The following NDE1 variants were observed in gnomAD, a reference collection of about 807,000 sequenced individuals.
The protein encoded by NDE1 is nuclear distribution protein nudE homolog 1.
A neutral mutation model predicts 43.4 loss-of-function variants in NDE1; 28 were observed. The ratio of observed to expected loss-of-function variants is 0.65; its 90% CI spans 0.48 to 0.89. NDE1 has a LOEUF of 0.89. Ranked by LOEUF, NDE1 falls within the 40% of genes least tolerant of loss-of-function variation. The probability of loss-of-function intolerance (pLI) is 0.00; values close to 1 mark genes in which losing one functional copy is unlikely to be tolerated. For synonymous variants in NDE1, 184 were observed against 172.0 expected (o/e 1.07, Z -0.55); for missense variants, 441 against 434.1 (o/e 1.02, Z -0.14).
At chr16:15,712,405 G>C (rs202229573) in intron 8 of NDE1, among the ~76,000 whole-genome samples, 1 of 152,204 alleles carries the variant, frequency 6.6e-6, no homozygotes, top group East Asian at 1.9e-4. Flanking sequence ...ATCCCAGCAC[G>C]TGGGGAGGCT....
chr16:15,682,556 A>G (rs754185705), intron 4 of NDE1, among the ~76,000 whole-genome samples: 7 of 152,202 alleles, frequency 4.6e-5, no homozygotes, highest in Non-Finnish European at 1.0e-4. Context: ...GGCACTTTGT[A>G]TAAGAATAAC....
At chr16:15,668,870 G>T (rs1366834407) in intron 3 of NDE1, among the ~76,000 whole-genome samples, 3 of 152,098 alleles carry the variant, frequency 2.0e-5, no homozygotes, top group Non-Finnish European at 2.9e-5. Flanking sequence ...CGTTGGGAGG[G>T]ACTGAGGTTT....
chr16:15,676,116 C>CCTCCCTTCCTCTCTCCTCTGT (rs949210082), intron 3 of NDE1, among the ~76,000 whole-genome samples: 3 of 151,688 alleles, frequency 2.0e-5, no homozygotes, highest in Admixed American at 6.6e-5. Context: ...CTTCCCTCTC[C>CCTCCCTTCCTCTCTCCTCTGT]CTCCCTTCCT....
At chr16:15,693,767 C>G (rs143814564) in intron 6 of NDE1, among the ~76,000 whole-genome samples, 12 of 152,266 alleles carry the variant, frequency 7.9e-5, no homozygotes, top group Non-Finnish European at 1.6e-4. Context: ...TGATGGAACT[C>G]TGTCTCTACT....
chr16:15,663,644 T>C (rs2037160589), intron 1 of NDE1, among the ~76,000 whole-genome samples: 1 of 152,210 alleles, frequency 6.6e-6, no homozygotes, highest in South Asian at 2.1e-4. Context: ...TGGGCACTGA[T>C]AGAAATGTAT....
chr16:15,694,978 C>A, intron 7 of NDE1: 3 of 915,194 alleles, frequency 3.3e-6, no homozygotes, highest in Non-Finnish European at 2.6e-6. Context: ...TGACACCAGC[C>A]CGGGCAACAT....
chr16:15,677,347 G>A (rs1333089188), intron 3 of NDE1, among the ~76,000 whole-genome samples: 3 of 152,068 alleles, frequency 2.0e-5, no homozygotes, highest in Non-Finnish European at 4.4e-5. Context: ...ACTTTGGGAG[G>A]CCGAGGCGTG....
chr16:15,699,086 G>T lies in NDE1; in HGVS notation c.947+2226G>T, dbSNP rs147712359. Reference sequence around the variant, plus strand: ...TATTTTATAGAAACAGTCTTGCTATGTTGCCCAGACTGGTCTCAAACCTCC... The same window carrying T: ...TATTTTATAGAAACAGTCTTGCTATTTTGCCCAGACTGGTCTCAAACCTCC... On this transcript the variant is annotated intron_variant, in intron 8 of 8. Transcript: ENST00000396354. Among the ~76,000 whole-genome samples, 1,111 of 151,714 alleles carry T rather than the reference G, an allele frequency of 7.3e-3. 14 individuals are homozygous for T. The highest frequency in any genetic ancestry group is 0.026 in the African/African-American group (1,083 of 41,404).
At chr16:15,644,128 T>G (rs1567606644) in intron 1 of NDE1, among the ~76,000 whole-genome samples, 1 of 152,202 alleles carries the variant, frequency 6.6e-6, no homozygotes, top group Admixed American at 6.5e-5. Flanking sequence ...ACATATTGTG[T>G]AAGTTAAATC....
At chr16:15,667,632 GTTTT>G (rs1278177492) in intron 3 of NDE1, among the ~76,000 whole-genome samples, 193 bp downstream of exon 3, 2 of 132,834 alleles carry the variant, frequency 1.5e-5, no homozygotes, top group African/African-American at 2.8e-5. Context: ...TTTTTGTTTT[GTTTT>G]TTTTTTTTTT....
intron 3 of NDE1, among the ~76,000 whole-genome samples, chr16:15,669,599 A>G (rs1262243174): frequency 1.3e-5 from 2 of 151,798 alleles, no homozygotes; most frequent in African/African-American, 2.4e-5. Flanking sequence ...TGACAGTGTG[A>G]TCTACCCGCC....
chr16:15,655,943 C>T (rs1567616802), intron 1 of NDE1, among the ~76,000 whole-genome samples: 1 of 133,930 alleles, frequency 7.5e-6, no homozygotes, highest in African/African-American at 2.9e-5. Flanking sequence ...AACACATGGA[C>T]ACAGGAAGGG....
intron 3 of NDE1, among the ~76,000 whole-genome samples, chr16:15,673,547 ATT>A (rs34853720): frequency 7.3e-5 from 10 of 137,524 alleles, no homozygotes; most frequent in Non-Finnish European, 6.4e-5. Context: ...CAGGCTGGTG[ATT>A]TTTTTTTTTT....
intron 8 of NDE1, chr16:15,699,849 G>C (rs749795143): frequency 7.4e-7 from 1 of 1,344,402 alleles, no homozygotes; most frequent in Non-Finnish European, 9.8e-7. Context: ...GAAGGTCTTG[G>C]TGTTGGTGCG....
chr16:15,685,401 G>T (rs148011767), intron 4 of NDE1, among the ~76,000 whole-genome samples: 58 of 152,062 alleles, frequency 3.8e-4, no homozygotes, highest in African/African-American at 1.4e-3. Flanking sequence ...CTACAGGCAC[G>T]CATCATGCAC....
intron 8 of NDE1, among the ~76,000 whole-genome samples, chr16:15,710,549 C>T (rs117526022): frequency 1.3e-5 from 2 of 152,140 alleles, no homozygotes; most frequent in East Asian, 3.9e-4. Context: ...AAAGAAATCA[C>T]TGGGCCTGAG....
chr16:15,702,780 G>GA (rs1266864044), intron 8 of NDE1, among the ~76,000 whole-genome samples: 1 of 152,028 alleles, frequency 6.6e-6, no homozygotes, highest in African/African-American at 2.4e-5. Flanking sequence ...AAAAATCAAG[G>GA]AAATCCTGTA....
chr16:15,656,533 T>C (rs1213701587), intron 1 of NDE1, among the ~76,000 whole-genome samples: 1 of 151,692 alleles, frequency 6.6e-6, no homozygotes, highest in Non-Finnish European at 1.5e-5. Context: ...TTATTATTAT[T>C]ATTATTATTA....
rs1361068849 is a variant in NDE1 at position 15,725,878 on chromosome 16, C to G, written c.*1627C>G. The G allele has an allele frequency of 7.6e-6, 3 of 393,182 alleles. No homozygotes were observed. The highest frequency in any genetic ancestry group is 4.5e-6 in the Non-Finnish European group (1 of 223,250). 24.4% of individuals were successfully genotyped at this position (393,182 alleles called of 1,614,324 possible). A position where few individuals can be genotyped will look rare whatever the true frequency, so the allele number is the denominator to read the frequency against. On this transcript the variant is annotated 3_prime_UTR_variant, in exon 9 of 9. Coordinates refer to ENST00000396354, the MANE Select transcript of NDE1 (RefSeq NM_017668.3). Reference sequence around the variant, plus strand: ...GCTTCACATTGCCCAGAGTAAGGATCAACATACATGTAATAGGTTCTCAAA... The same window carrying G: ...GCTTCACATTGCCCAGAGTAAGGATGAACATACATGTAATAGGTTCTCAAA...
Sources: gnomAD v4.1 joint callset for allele counts (sites outside exome capture counted in the v4.1 genomes callset) on GRCh38, gnomAD v4.1.1 for gene constraint, MANE v1.5 for transcripts, NCBI Gene and HGNC (gene_info 2026-07-23, HGNC 2026-07-21) for gene names.